HDAC4: variants seen among roughly 807,000 people sequenced by gnomAD.
HDAC4 encodes histone deacetylase A.
In HDAC4, 16 loss-of-function variants were observed where a neutral mutation model predicts 135.1. The observed-to-expected ratio is 0.12, with a 90% CI of 0.08 to 0.18. The LOEUF (loss-of-function observed/expected upper bound fraction) is 0.18, where lower values mean the gene tolerates loss of function less well. HDAC4 is among the 10% of genes least tolerant of loss of function. The probability of loss-of-function intolerance (pLI) is 1.00; values close to 1 mark genes in which losing one functional copy is unlikely to be tolerated. For missense variants in HDAC4, 1,143 were observed against 1,511.8 expected, an observed-to-expected ratio of 0.76 and a Z score of 4.05; for synonymous variants, 685 against 653.4, an observed-to-expected ratio of 1.05 and a Z score of -0.74.
chr2:239,387,619 G>A (rs1285645092), intron 1 of HDAC4, among the ~76,000 whole-genome samples: 1 of 152,162 alleles, frequency 6.6e-6, no homozygotes, highest in Non-Finnish European at 1.5e-5. Context: ...GGGACAATAC[G>A]CTTTATACCC....
chr2:239,143,277 A>C (rs1417361599), intron 8 of HDAC4, among the ~76,000 whole-genome samples: 1 of 152,174 alleles, frequency 6.6e-6, no homozygotes, highest in African/African-American at 2.4e-5. Context: ...AAAACAACAA[A>C]AAAACGCAAA....
chr2:239,199,736 CTTTT>C (rs35353470), intron 3 of HDAC4, among the ~76,000 whole-genome samples: 4 of 139,080 alleles, frequency 2.9e-5, no homozygotes, highest in Non-Finnish European at 3.1e-5. Context: ...CTGTACATTT[CTTTT>C]TTTTTTTTTT....
chr2:239,063,420 G>A (rs2033064878), intron 24 of HDAC4, among the ~76,000 whole-genome samples: 1 of 152,062 alleles, frequency 6.6e-6, no homozygotes, highest in African/African-American at 2.4e-5. Context: ...TAGCCAGGAT[G>A]GTCTCGATCT....
At chr2:239,132,784 A>G (rs1047268713) in intron 11 of HDAC4, among the ~76,000 whole-genome samples, 1 of 152,264 alleles carries the variant, frequency 6.6e-6, no homozygotes, top group Non-Finnish European at 1.5e-5. Context: ...AGGAAAGAAG[A>G]TAAGTGACAA....
intron 15 of HDAC4, among the ~76,000 whole-genome samples, chr2:239,103,591 C>T (rs781688030): frequency 2.2e-4 from 34 of 152,266 alleles, no homozygotes; most frequent in Non-Finnish European, 4.7e-4. Context: ...TAGGCCACCA[C>T]AGGATGAGTC....
chr2:239,167,284 T>G lies in HDAC4; in HGVS notation c.491-3361A>C, dbSNP rs1190297974. On this transcript the variant is annotated intron_variant, in intron 5 of 26. Coordinates refer to ENST00000543185, the MANE Select transcript of HDAC4 (RefSeq NM_001378414.1). This position sits in a 1 kb window ranked among gnomAD's most constrained non-coding sequence, Gnocchi z 4.1. Reference sequence around the variant, plus strand: ...TGCGCACTCCAGGAACAGGACCCACTTTATGACCCACGTCCTCTCCCTGCT... The same window carrying G: ...TGCGCACTCCAGGAACAGGACCCACGTTATGACCCACGTCCTCTCCCTGCT... 6.6e-6 allele frequency among the ~76,000 whole-genome samples: 1 copy of G among 152,114 alleles called. No individual in the cohort carries two copies. Among genetic ancestry groups the G allele is most frequent in the Non-Finnish European group, 1.5e-5 (1 of 67,996 alleles).
chr2:239,188,522 C>T (rs1178255577), intron 4 of HDAC4, among the ~76,000 whole-genome samples: 1 of 152,236 alleles, frequency 6.6e-6, no homozygotes, highest in African/African-American at 2.4e-5. Flanking sequence ...TACCCATGGA[C>T]CACGTGAGCA....
intron 13 of HDAC4, among the ~76,000 whole-genome samples, chr2:239,114,124 G>A (rs1055880237): frequency 6.6e-6 from 1 of 152,204 alleles, no homozygotes; most frequent in African/African-American, 2.4e-5. Context: ...CTGTAGCTGA[G>A]AATTAAGGGG....
At chr2:239,059,023 C>G (rs1222076408) in intron 24 of HDAC4, among the ~76,000 whole-genome samples, 1 of 152,152 alleles carries the variant, frequency 6.6e-6, no homozygotes, top group Non-Finnish European at 1.5e-5. Context: ...TACCACAGTG[C>G]AATTTGTTAG....
chr2:239,371,469 ACT>A (rs2126007908), intron 1 of HDAC4, among the ~76,000 whole-genome samples: 1 of 152,280 alleles, frequency 6.6e-6, no homozygotes, highest in South Asian at 2.1e-4. Flanking sequence ...ACACCCAGGC[ACT>A]CACACACACT....
intron 4 of HDAC4, among the ~76,000 whole-genome samples, chr2:239,182,516 C>G (rs2044216157): frequency 6.6e-6 from 1 of 152,230 alleles, no homozygotes; most frequent in African/African-American, 2.4e-5. Context: ...AGAAACATGA[C>G]TGTGGTGGAG....
In HDAC4 at chr2:239,134,533, G is replaced by A; in HGVS notation, c.1089C>T (p.Pro363=). 6.2e-7 allele frequency: 1 copy of A among 1,613,910 alleles called. No homozygotes were observed. The highest frequency in any genetic ancestry group is 8.5e-7 in the Non-Finnish European group (1 of 1,179,860). The change falls in exon 10 of 27, where the codon CCC becomes CCT. Residue 363 remains proline, a synonymous_variant. Coordinates refer to ENST00000543185, the MANE Select transcript of HDAC4 (RefSeq NM_001378414.1). ...NITLGLPATG[P]SAGTAGQQDA... ...CCCACGGGGGCTGACTTACCGCAGAGGGGCCGGTGGCAGGCAGGCCCAGCG... is the reference window on the plus strand; with the variant it reads ...CCCACGGGGGCTGACTTACCGCAGAAGGGCCGGTGGCAGGCAGGCCCAGCG...
chr2:239,356,264 T>C (rs759904676), intron 1 of HDAC4, among the ~76,000 whole-genome samples: 3 of 152,164 alleles, frequency 2.0e-5, no homozygotes, highest in Non-Finnish European at 2.9e-5. Flanking sequence ...AAGGAAGAAT[T>C]AAAGCATCTA....
chr2:239,401,021 G>A, upstream of HDAC4: 2 of 152,762 alleles, frequency 1.3e-5, no homozygotes, highest in South Asian at 3.8e-4. Context: ...CGAGCCAGGC[G>A]GCGATAGGCC....
At chr2:239,088,799 G>A (rs923314873) in intron 18 of HDAC4, among the ~76,000 whole-genome samples, 3 of 152,198 alleles carry the variant, frequency 2.0e-5, no homozygotes, top group South Asian at 2.1e-4. Flanking sequence ...TGGAACACAC[G>A]GCTCTGCCCC....
rs139333488 is a variant in HDAC4, at chr2:239,085,041, G to GACAC, written c.2445-803_2445-800dup. Among the ~76,000 whole-genome samples the GACAC allele has an allele frequency of 2.4e-3, 337 of 138,872 alleles. 3 individuals carry two copies. Among genetic ancestry groups the GACAC allele is most frequent in the African/African-American group, 8.2e-3 (295 of 36,146 alleles). 91.1% of individuals were successfully genotyped at this position (138,872 alleles called of 152,430 possible). On this transcript the variant is annotated intron_variant, in intron 19 of 26. Coordinates refer to ENST00000543185, the MANE Select transcript of HDAC4 (RefSeq NM_001378414.1). ...CCACAGTTCCATACTGAGACAGACA[G>GACAC]ACACACACACACACACACACACACA...
At chr2:239,082,040 C>G in intron 21 of HDAC4, 62 bp downstream of exon 21, 14 of 1,517,630 alleles carry the variant, frequency 9.2e-6, no homozygotes, top group Non-Finnish European at 1.3e-5. Flanking sequence ...CTGCCCCGTG[C>G]CCCCACAGCG....
chr2:239,334,899 C>T (rs563668812), intron 2 of HDAC4, among the ~76,000 whole-genome samples: 3 of 151,838 alleles, frequency 2.0e-5, no homozygotes, highest in Admixed American at 2.0e-4. Flanking sequence ...GTGGCGTGCA[C>T]CTGTAGTCCC....
intron 2 of HDAC4, among the ~76,000 whole-genome samples, chr2:239,260,864 C>T (rs939860374): frequency 6.6e-6 from 1 of 152,172 alleles, no homozygotes. Flanking sequence ...GGGACTCACA[C>T]CTTGAACCTG....
Sources: allele counts gnomAD v4.1 joint callset (sites outside exome capture counted in the v4.1 genomes callset), GRCh38; gene constraint gnomAD v4.1.1; non-coding constraint Gnocchi (gnomAD v3.1); transcripts MANE v1.5; gene names NCBI Gene and HGNC (gene_info 2026-07-23, HGNC 2026-07-21).